The following MSLN variants were observed in gnomAD, a reference collection of about 807,000 sequenced individuals.
MSLN encodes CAK1 antigen.
Under a neutral mutation model 72.6 loss-of-function variants are expected in MSLN, and 82 were observed. The ratio of observed to expected loss-of-function variants is 1.13; its 90% CI spans 0.94 to 1.36. The LOEUF is 1.36. MSLN is among the 40% of genes most tolerant of loss of function. MSLN has a pLI of 0.00. For synonymous variants in MSLN, 456 were observed against 387.3 expected (o/e 1.18, Z -2.08); for missense variants, 1,005 against 847.9 (o/e 1.19, Z -2.30).
In MSLN at chr16:765,286, CG is replaced by C; in HGVS notation, c.692del (p.Gly231AspfsTer81). The part of the protein sequence containing the change: ...QEAARAALQG[G>X]GPPYGPPSTW... ...AGGCAGCCAGGGCGGCTCTGCAGGG[CG>C]GGGGACCCCCCTACGGGTAAGTGAA... On this transcript the variant is annotated frameshift_variant, in exon 9 of 18. Coordinates refer to ENST00000545450, the MANE Select transcript of MSLN (RefSeq NM_005823.6). LOFTEE classifies it high-confidence loss of function. The C allele has an allele frequency of 6.3e-7, 1 of 1,579,094 alleles. No homozygotes were observed.
At position 766,065 on chromosome 16, in the gene MSLN, C is replaced by A; in HGVS notation, c.902C>A (p.Ala301Asp). 1 of 1,609,208 alleles carries A rather than the reference C, an allele frequency of 6.2e-7. No individual in the cohort carries two copies. Among genetic ancestry groups the A allele is most frequent in the Non-Finnish European group, 8.5e-7 (1 of 1,177,926 alleles). ...TGACCCCTGTGCCCTGCAGAGACAG[C>A]CTGTCCTTCAGGCAAGAAGGCCCGC... is the stretch of plus-strand genomic sequence containing the variant. ...PRFRREVEKT[A>D]CPSGKKAREI... The change falls in exon 12 of 18, where the codon GCC becomes GAC. Residue 301 changes from alanine to aspartate, a missense_variant. Ala to Asp is a moderately radical substitution (Grantham distance 126). Coordinates refer to ENST00000545450, the MANE Select transcript of MSLN (RefSeq NM_005823.6).
At position 765,780 on chromosome 16, in the gene MSLN, G is replaced by A. The variant is rs758886511; in HGVS notation, c.885G>A (p.Arg295=). 31 of 1,598,950 alleles carry A rather than the reference G, an allele frequency of 1.9e-5. No homozygotes were observed. The African/African-American group carries it at 3.6e-4, about 19-fold the overall frequency. Residue 295 remains arginine (R), a synonymous_variant, in exon 11 of 18, where the codon CGG becomes CGA. Coordinates refer to ENST00000545450, the MANE Select transcript of MSLN (RefSeq NM_005823.6). ...ERTILRPRFR[R]EVEKTACPSG... ...CCATCCTCCGGCCGCGGTTCCGGCG[G>A]GAAGTGGAGAGTGAGTGCCGTGCCC... is the stretch of plus-strand genomic sequence containing the variant.
intron 6 of MSLN, 59 bp from the exon 7 acceptor site, chr16:764,588 T>C (rs2041578644): frequency 6.9e-7 from 1 of 1,441,914 alleles, no homozygotes; most frequent in African/African-American, 1.4e-5. Flanking sequence ...CAGGCGACCC[T>C]GGCCCACCAT....
At chr16:767,500 AGG>A (rs2041632995) in intron 16 of MSLN, 30 bp downstream of exon 16, 4 of 1,266,064 alleles carry the variant, frequency 3.2e-6, no homozygotes, top group Non-Finnish European at 3.1e-6. Context: ...GGGCGTGTGG[AGG>A]AGGGGCCCGT....
rs564316342 is a variant in MSLN, at chr16:766,776, G to T, written c.1339G>T (p.Glu447Ter). 7 of 1,612,490 alleles carry T rather than the reference G, an allele frequency of 4.3e-6. No homozygotes were observed. The East Asian group carries it at 1.6e-4, about 36-fold the overall frequency. Residue 447 changes from glutamate to a stop codon, truncating the protein, a stop_gained, in exon 14 of 18, where the codon GAG (glutamate) becomes TAG (stop). Transcript: ENST00000545450. LOFTEE classifies it high-confidence loss of function. Reference sequence around the variant, plus strand: ...TGGGTACCTGTGCTCCCTCAGCCCCGAGGAGCTGAGCTCCGTGCCCCCCAG... The same window carrying T: ...TGGGTACCTGTGCTCCCTCAGCCCCTAGGAGCTGAGCTCCGTGCCCCCCAG... Reference protein sequence around the residue: ...YPGYLCSLSPEELSSVPPSSI... With the variant: ...YPGYLCSLSP
chr16:763,158 C>A, intron 3 of MSLN, 75 bp from the exon 4 acceptor site: 2 of 1,021,874 alleles, frequency 2.0e-6, no homozygotes, highest in South Asian at 1.5e-5. Context: ...CAGGCTCTGC[C>A]TCCTTCCTCC....
At position 764,750 on chromosome 16, in the gene MSLN, C is replaced by CG. The variant is rs1567356654; in HGVS notation, c.380+24_380+25insG. 3 of 1,457,084 alleles carry CG rather than the reference C, an allele frequency of 2.1e-6. No homozygotes were observed. The African/African-American group carries it at 5.5e-5, about 27-fold the overall frequency. The allele number at this position is 1,457,084 out of a possible 1,614,324, so 90.3% of individuals were successfully genotyped here. On this transcript the variant is annotated intron_variant, in intron 7 of 17. Coordinates refer to ENST00000545450, the MANE Select transcript of MSLN (RefSeq NM_005823.6). ...AAGTAGGCCCTGCCCCCTGAACCCA[C>CG]CCCCCCGGCTTTTGCCGCCAGCCCT...
chr16:765,156 G>C lies in MSLN; in HGVS notation c.557G>C (p.Gly186Ala), dbSNP rs373218047. Reference sequence around the variant, plus strand: ...AGCGAGGCTGATGTGCGGGCTCTGGGAGGCCTGGCTTGCGACCTGCCTGGG... The same window carrying C: ...AGCGAGGCTGATGTGCGGGCTCTGGCAGGCCTGGCTTGCGACCTGCCTGGG... Reference protein sequence around the residue: ...LLSEADVRALGGLACDLPGRF... With the variant: ...LLSEADVRALAGLACDLPGRF... The change falls in exon 9 of 18, where the codon GGA becomes GCA. Residue 186 changes from glycine to alanine, a missense_variant. Transcript: ENST00000545450. 8 of 1,603,222 alleles carry C rather than the reference G, an allele frequency of 5.0e-6. No homozygotes were observed. In the East Asian group the frequency reaches 1.1e-4, roughly 22 times the overall value.
chr16:768,323 C>T, intron 16 of MSLN, 56 bp from the exon 17 acceptor site: 1 of 1,474,830 alleles, frequency 6.8e-7, no homozygotes, highest in South Asian at 1.5e-5. Context: ...TGGCAGCCCT[C>T]TGGCGGCGCT....
Position 764,909 on chromosome 16 carries a change from C to T in MSLN, c.383C>T (p.Pro128Leu). The change falls in exon 8 of 18, where the codon CCA (proline) becomes CTA (leucine). Residue 128 changes from proline to leucine, a missense_variant and splice_region_variant. Physicochemically the swap from Pro to Leu is moderately conservative, Grantham distance 98. Coordinates refer to ENST00000545450, the MANE Select transcript of MSLN (RefSeq NM_005823.6). ...TCCCCAGCACCCTCTCTTCACAGCC[C>T]AGATGCGTTCTCGGGGCCCCAGGCC... Reference protein sequence around the residue: ...LPLDLLLFLNPDAFSGPQACT... With the variant: ...LPLDLLLFLNLDAFSGPQACT... The T allele has an allele frequency of 6.2e-7, 1 of 1,611,600 alleles. No individual in the cohort carries two copies. Among genetic ancestry groups the T allele is most frequent in the Non-Finnish European group, 8.5e-7 (1 of 1,179,414 alleles).
chr16:763,803 C>G (rs2041567243), intron 5 of MSLN, 112 bp downstream of exon 5: 1 of 706,670 alleles, frequency 1.4e-6, no homozygotes, highest in Non-Finnish European at 2.3e-6. Flanking sequence ...CTCCTCTGCT[C>G]CACCTCAGAT....
intron 4 of MSLN, 75 bp downstream of exon 4, chr16:763,351 C>T: frequency 8.1e-7 from 1 of 1,235,564 alleles, no homozygotes; most frequent in Non-Finnish European, 1.1e-6. Context: ...TTCTCTCTGT[C>T]ACGTATCCAC....
Position 765,622 on chromosome 16 carries a change from G to C in MSLN, c.795+5G>C. ...ATCATCCGCAGCATCCCGCAGGTGA[G>C]ACCCCAATCCCCAGCCCGTGGGGAT... On this transcript the variant is annotated splice_donor_5th_base_variant and intron_variant, in intron 10 of 17. Transcript: ENST00000545450. 6.2e-7 allele frequency: 1 copy of C among 1,601,898 alleles called. No individual in the cohort carries two copies. Among genetic ancestry groups the C allele is most frequent in the South Asian group, 1.1e-5 (1 of 90,930 alleles).
intron 5 of MSLN, 152 bp downstream of exon 5, chr16:763,843 T>G: frequency 5.0e-6 from 1 of 199,236 alleles, no homozygotes; most frequent in East Asian, 6.8e-4. Context: ...CGGGAGGGAC[T>G]GACACCCCTC....
intron 4 of MSLN, 68 bp downstream of exon 4, chr16:763,344 T>G: frequency 7.7e-7 from 1 of 1,302,628 alleles, no homozygotes; most frequent in Non-Finnish European, 1.1e-6. Flanking sequence ...TGCTGTGTTC[T>G]CTCTGTCACG....
Position 764,935 on chromosome 16 carries a change from T to C in MSLN, c.409T>C (p.Cys137Arg). 1 of 1,612,250 alleles carries C rather than the reference T, an allele frequency of 6.2e-7. No homozygotes were observed. Among genetic ancestry groups the C allele is most frequent in the Admixed American group, 1.7e-5 (1 of 59,998 alleles). The part of the protein sequence containing the change: ...NPDAFSGPQA[C>R]TRFFSRITKA... Reference sequence around the variant, plus strand: ...AGATGCGTTCTCGGGGCCCCAGGCCTGCACCCGTTTCTTCTCCCGCATCAC... The same window carrying C: ...AGATGCGTTCTCGGGGCCCCAGGCCCGCACCCGTTTCTTCTCCCGCATCAC... The change falls in exon 8 of 18, where the codon TGC (cysteine) becomes CGC (arginine). Residue 137 changes from cysteine (C) to arginine (R), a missense_variant. Physicochemically the swap from Cys to Arg is radical, Grantham distance 180. Coordinates refer to ENST00000545450, the MANE Select transcript of MSLN (RefSeq NM_005823.6).
rs745665649 is a variant in MSLN at position 768,571 on chromosome 16, C to A, written c.1783+6C>A. 6.2e-7 allele frequency: 1 copy of A among 1,605,726 alleles called. No homozygotes were observed. The highest frequency in any genetic ancestry group is 1.3e-5 in the African/African-American group (1 of 74,552). ...CCTAGACCTCAGCATGCAAGGTGGG[C>A]GGGGCGGCCAGGCCAGGGCTGGGGG... On this transcript the variant is annotated splice_donor_region_variant and intron_variant, in intron 17 of 17. Transcript: ENST00000545450.
At position 764,955 on chromosome 16, in the gene MSLN, C is replaced by T. The variant is rs1484586217; in HGVS notation, c.429C>T (p.Arg143=). 1.2e-6 allele frequency: 2 copies of T among 1,612,454 alleles called. No homozygotes were observed. Among genetic ancestry groups the T allele is most frequent in the Admixed American group, 3.3e-5 (2 of 60,004 alleles). ...AGGCCTGCACCCGTTTCTTCTCCCGCATCACGAAGGCCAATGTGGACCTGC... is the reference window on the plus strand; with the variant it reads ...AGGCCTGCACCCGTTTCTTCTCCCGTATCACGAAGGCCAATGTGGACCTGC... ...GPQACTRFFS[R]ITKANVDLLP... is the part of the protein sequence containing the mutation. Residue 143 remains arginine (R), a synonymous_variant, in exon 8 of 18, where the codon CGC becomes CGT. Coordinates refer to ENST00000545450, the MANE Select transcript of MSLN (RefSeq NM_005823.6).
rs1435716887 is a variant in MSLN at position 768,636 on chromosome 16, CT to C, written c.1784-11del. 6.2e-7 allele frequency: 1 copy of C among 1,611,244 alleles called. No individual in the cohort carries two copies. Among genetic ancestry groups the C allele is most frequent in the African/African-American group, 1.3e-5 (1 of 74,792 alleles). On this transcript the variant is annotated splice_polypyrimidine_tract_variant and intron_variant, in intron 17 of 17. Transcript: ENST00000545450. ...TGGAGGTGGGCGCTCTGAGTCACCC[CT>C]CTCTCTGTAGAGGCCCTCTCGGGGA...
Sources: gnomAD v4.1 joint callset for allele counts on GRCh38, gnomAD v4.1.1 for gene constraint, MANE v1.5 for transcripts, NCBI Gene and HGNC (gene_info 2026-07-23, HGNC 2026-07-21) for gene names.